XYLT1: variants seen among roughly 807,000 people sequenced by gnomAD.
XYLT1 encodes xylosyltransferase 1, also known as beta-D-xylosyltransferase 1.
A neutral mutation model predicts 91.3 loss-of-function variants in XYLT1; 36 were observed. The observed-to-expected ratio is 0.39, with a 90% CI of 0.30 to 0.52. The LOEUF is 0.52. Ranked by LOEUF, XYLT1 falls within the 20% of genes least tolerant of loss-of-function variation. The pLI, the probability that XYLT1 is intolerant of heterozygous loss-of-function variation, is 0.68. For missense variants in XYLT1, 1,242 were observed against 1,284.5 expected, an observed-to-expected ratio of 0.97 and a Z score of 0.51; for synonymous variants, 588 against 532.0, an observed-to-expected ratio of 1.11 and a Z score of -1.45.
chr16:17,332,567 TACACAC>T (rs60919228), intron 2 of XYLT1, among the ~76,000 whole-genome samples: 2,237 of 137,898 alleles, frequency 0.016, 26 homozygotes, highest in African/African-American at 0.022. Context: ...ATCACACACA[TACACAC>T]ACACACACAC....
At chr16:17,405,177 T>C (rs1180107660) in intron 1 of XYLT1, among the ~76,000 whole-genome samples, 1 of 152,196 alleles carries the variant, frequency 6.6e-6, no homozygotes, top group Non-Finnish European at 1.5e-5. Context: ...GAGGAATGAA[T>C]GTGGCGCTTG....
intron 1 of XYLT1, among the ~76,000 whole-genome samples, chr16:17,463,712 C>T (rs2036850903): frequency 6.6e-6 from 1 of 152,248 alleles, no homozygotes; most frequent in South Asian, 2.1e-4. Flanking sequence ...GGCAATCCCA[C>T]TACTGTGTCT....
chr16:17,448,213 C>G (rs1441408102), intron 1 of XYLT1, among the ~76,000 whole-genome samples: 3 of 152,076 alleles, frequency 2.0e-5, no homozygotes, highest in Non-Finnish European at 2.9e-5. Flanking sequence ...ACTAAAAATA[C>G]AAAAATTAGC....
intron 6 of XYLT1, among the ~76,000 whole-genome samples, chr16:17,146,107 C>T (rs2031125408): frequency 6.6e-6 from 1 of 151,764 alleles, no homozygotes; most frequent in African/African-American, 2.4e-5. Context: ...AATTCCCTCT[C>T]ACCGGGCTTC....
At chr16:17,263,420 A>G (rs764229332) in intron 2 of XYLT1, among the ~76,000 whole-genome samples, 2 of 152,134 alleles carry the variant, frequency 1.3e-5, no homozygotes, top group Non-Finnish European at 2.9e-5. Flanking sequence ...AAGACAGGCC[A>G]CCACAATGGC....
intron 1 of XYLT1, among the ~76,000 whole-genome samples, chr16:17,459,110 G>C (rs1359250378): frequency 6.6e-6 from 1 of 152,258 alleles, no homozygotes. Flanking sequence ...GGTGGCTCAC[G>C]CCTGTAATCC....
intron 1 of XYLT1, among the ~76,000 whole-genome samples, chr16:17,429,539 T>A (rs750335345): frequency 6.6e-6 from 1 of 152,202 alleles, no homozygotes; most frequent in Non-Finnish European, 1.5e-5. Context: ...TGGTTACTTC[T>A]GTGTGTTAAC....
chr16:17,434,577 C>T (rs1297096344), intron 1 of XYLT1, among the ~76,000 whole-genome samples: 4 of 152,178 alleles, frequency 2.6e-5, no homozygotes, highest in African/African-American at 9.7e-5. Context: ...AACAATGGGG[C>T]CAGGCACAAT....
intron 2 of XYLT1, among the ~76,000 whole-genome samples, chr16:17,291,352 G>C (rs1026515194): frequency 6.6e-6 from 1 of 152,198 alleles, no homozygotes; most frequent in Non-Finnish European, 1.5e-5. Flanking sequence ...GCATATGTAA[G>C]ATGTGGGACC....
intron 2 of XYLT1, among the ~76,000 whole-genome samples, chr16:17,269,660 T>C (rs1192510055): frequency 6.6e-6 from 1 of 152,142 alleles, no homozygotes. Flanking sequence ...CCACACTTCA[T>C]AAACAGCAGT....
chr16:17,124,526 G>C lies in XYLT1; in HGVS notation c.2223+3140C>G, dbSNP rs2030190521. The stretch of plus-strand genomic sequence containing the variant: ...CCTTTATAGGTTACCTGATGCTTTT[G>C]CCTCTTAAGGTTATTTCCTTTGTCT... On this transcript the variant is annotated intron_variant, in intron 10 of 11. Transcript: ENST00000261381. Among the ~76,000 whole-genome samples the C allele has an allele frequency of 2.0e-5, 3 of 152,108 alleles. No homozygotes were observed. The South Asian group carries it at 6.2e-4, about 31-fold the overall frequency.
intron 5 of XYLT1, among the ~76,000 whole-genome samples, chr16:17,181,131 A>C (rs2032057464): frequency 6.6e-6 from 1 of 152,208 alleles, no homozygotes; most frequent in Non-Finnish European, 1.5e-5. Flanking sequence ...GAAATGGAAT[A>C]TGTTGTTTCA....
At chr16:17,437,493 C>T (rs946325204) in intron 1 of XYLT1, among the ~76,000 whole-genome samples, 11 of 152,174 alleles carry the variant, frequency 7.2e-5, no homozygotes, top group Admixed American at 1.3e-4. Flanking sequence ...AATGGTCCCA[C>T]GTGAAGCCAA....
chr16:17,119,130 GT>G (rs1465497443), intron 10 of XYLT1, among the ~76,000 whole-genome samples: 1 of 152,156 alleles, frequency 6.6e-6, no homozygotes, highest in Non-Finnish European at 1.5e-5. Context: ...GTGAACAGGG[GT>G]TTTACCTGGC....
intron 2 of XYLT1, among the ~76,000 whole-genome samples, chr16:17,266,816 G>A (rs1427750482): frequency 1.3e-5 from 2 of 152,228 alleles, no homozygotes; most frequent in Non-Finnish European, 2.9e-5. Context: ...GGACAAACAG[G>A]GAGAGGCCTG....
At chr16:17,313,374 A>G (rs1055339166) in intron 2 of XYLT1, among the ~76,000 whole-genome samples, 1 of 152,124 alleles carries the variant, frequency 6.6e-6, no homozygotes, top group African/African-American at 2.4e-5. Context: ...TAACACCACC[A>G]AAAAAGGCCT....
At chr16:17,317,775 T>C (rs2034658536) in intron 2 of XYLT1, among the ~76,000 whole-genome samples, 1 of 151,414 alleles carries the variant, frequency 6.6e-6, no homozygotes, top group Admixed American at 6.6e-5. Flanking sequence ...TATGATGTCC[T>C]ACAGGATCTA....
rs542951922 is a variant in XYLT1, at chr16:17,141,196, G to C, written c.1544C>G (p.Thr515Ser). The C allele has an allele frequency of 1.9e-6, 3 of 1,614,192 alleles. No individual in the cohort carries two copies. The highest frequency in any genetic ancestry group is 2.2e-5 in the South Asian group (2 of 91,084). ...GTAGGAGTAGAACTGTTTCATCTTG[G>C]TCACCAGATCGTCTGTGGAGAAGGT... ...YVTFSTDDLVTKMKQFYSYTL... is the reference protein window; with the variant it reads ...YVTFSTDDLVSKMKQFYSYTL... The change falls in exon 7 of 12, where the codon ACC becomes AGC. Residue 515 changes from threonine (T) to serine (S), a missense_variant. By Grantham distance (58) the Thr-to-Ser change is moderately conservative. Transcript: ENST00000261381.
intron 1 of XYLT1, among the ~76,000 whole-genome samples, chr16:17,469,335 A>G (rs1447656525): frequency 6.6e-6 from 1 of 152,252 alleles, no homozygotes; most frequent in Non-Finnish European, 1.5e-5. Context: ...ATCCTTGCAG[A>G]CAAGTAGTGT....
Sources: allele counts gnomAD v4.1 joint callset (sites outside exome capture counted in the v4.1 genomes callset), GRCh38; gene constraint gnomAD v4.1.1; transcripts MANE v1.5; gene names NCBI Gene and HGNC (gene_info 2026-07-23, HGNC 2026-07-21).